The following ATXN2L variants were observed in gnomAD, a reference collection of about 807,000 sequenced individuals.
The protein encoded by ATXN2L is ataxin-2-like protein.
Under a neutral mutation model 120.7 loss-of-function variants are expected in ATXN2L, and 24 were observed. That is an observed-to-expected ratio of 0.20 (90% CI 0.14 to 0.28). The LOEUF is 0.28. ATXN2L is among the 10% of genes least tolerant of loss of function. ATXN2L has a pLI of 1.00. For missense variants in ATXN2L, 1,312 were observed against 1,432.3 expected, an observed-to-expected ratio of 0.92 and a Z score of 1.36; for synonymous variants, 653 against 568.1, an observed-to-expected ratio of 1.15 and a Z score of -2.13.
chr16:28,836,639 C>T lies in ATXN2L; in HGVS notation c.*374C>T, dbSNP rs928682090. The T allele has an allele frequency of 2.7e-5, 43 of 1,608,856 alleles. No individual in the cohort carries two copies. Among genetic ancestry groups the T allele is most frequent in the Non-Finnish European group, 3.3e-5 (39 of 1,178,592 alleles). ...AGGAGGCCGCTCCTTCCCAGACACA[C>T]CCCCACGCCCCCACTGGACGGCATT... is the stretch of plus-strand genomic sequence containing the variant. On this transcript the variant is annotated 3_prime_UTR_variant, in exon 22 of 22. Transcript: ENST00000336783.
At chr16:28,835,421 G>T (rs373901227) in intron 20 of ATXN2L, 22 bp downstream of exon 20, 1 of 1,612,148 alleles carries the variant, frequency 6.2e-7, no homozygotes. Context: ...GGGGGGTGCT[G>T]AGTGGTCCTG....
rs1961242649 is a variant in ATXN2L at position 28,837,059 on chromosome 16, T to G, written c.*794T>G. ...CCGCTGGAGACGGAAGATCTTTTATTTTCTATTATTTATAACTTCAGACTT... is the reference window on the plus strand; with the variant it reads ...CCGCTGGAGACGGAAGATCTTTTATGTTCTATTATTTATAACTTCAGACTT... On this transcript the variant is annotated 3_prime_UTR_variant, in exon 22 of 22. Coordinates refer to ENST00000336783, the MANE Select transcript of ATXN2L (RefSeq NM_007245.4). The G allele has an allele frequency of 1.6e-6, 1 of 614,300 alleles. No individual in the cohort carries two copies. Among genetic ancestry groups the G allele is most frequent in the South Asian group, 1.5e-5 (1 of 65,588 alleles). The allele number at this position is 614,300 out of a possible 1,614,324, so 38.1% of individuals were successfully genotyped here. A position where few individuals can be genotyped will look rare whatever the true frequency, so the allele number is the denominator to read the frequency against.
At chr16:28,824,693 T>G in intron 1 of ATXN2L, 1 of 809,450 alleles carries the variant, frequency 1.2e-6, no homozygotes, top group Non-Finnish European at 1.6e-6. Context: ...GTTCCAAAGC[T>G]GCACTCCTGG....
At chr16:28,829,203 G>C (rs2053452952) in intron 6 of ATXN2L, among the ~76,000 whole-genome samples, 198 bp from the exon 7 acceptor site, 1 of 152,084 alleles carries the variant, frequency 6.6e-6, no homozygotes. Flanking sequence ...AGCTCTTGCT[G>C]TGTTGCCCAG....
At position 28,829,402 on chromosome 16, in the gene ATXN2L, C is replaced by A. The variant is rs1364243037; in HGVS notation, c.743C>A (p.Ser248Tyr). 1 of 1,610,052 alleles carries A rather than the reference C, an allele frequency of 6.2e-7. No homozygotes were observed. The highest frequency in any genetic ancestry group is 1.7e-5 in the Admixed American group (1 of 59,990). Residue 248 changes from serine to tyrosine, a missense_variant and splice_region_variant, in exon 7 of 22, where the codon TCC becomes TAC. Physicochemically the swap from Ser to Tyr is moderately radical, Grantham distance 144. Transcript: ENST00000336783. ...AAAACCACCTTCCTCCCTCCCCAGTCCAATGGATGGGACCCCAATGAAATG... is the reference window on the plus strand; with the variant it reads ...AAAACCACCTTCCTCCCTCCCCAGTACAATGGATGGGACCCCAATGAAATG... ...SDDYDLESDM[S>Y]NGWDPNEMFK... is the part of the protein sequence containing the mutation.
Position 28,835,177 on chromosome 16 carries a change from A to G in ATXN2L, c.2553A>G (p.Gln851=), listed in dbSNP as rs1383442494. The G allele has an allele frequency of 3.1e-6, 5 of 1,611,858 alleles. No individual in the cohort carries two copies. Among genetic ancestry groups the G allele is most frequent in the Admixed American group, 1.7e-5 (1 of 59,800 alleles). ...CTTCTGCAGAGCAGCCTACCCCCCA[A>G]GCCCTTTATGGTGAGTCCTGCGCCT... ...QYPSAEQPTP[Q]ALYATVHQSY... Residue 851 remains glutamine (Q), a synonymous_variant, in exon 19 of 22, where the codon CAA becomes CAG. Transcript: ENST00000336783.
In ATXN2L at chr16:28,835,275, C is replaced by T. The variant is rs538354422; in HGVS notation, c.2564-3C>T. 1.2e-6 allele frequency: 2 copies of T among 1,613,882 alleles called. No homozygotes were observed. The highest frequency in any genetic ancestry group is 1.7e-5 in the Admixed American group (1 of 60,002). The stretch of plus-strand genomic sequence containing the variant: ...CACTGGTTCTCCCTCTTTCCTGCTG[C>T]AGCCACTGTTCACCAGTCCTACCCA... On this transcript the variant is annotated splice_polypyrimidine_tract_variant and splice_region_variant and intron_variant, in intron 19 of 21. Coordinates refer to ENST00000336783, the MANE Select transcript of ATXN2L (RefSeq NM_007245.4).
chr16:28,835,236 T>A, intron 19 of ATXN2L, 42 bp from the exon 20 acceptor site: 1 of 1,612,284 alleles, frequency 6.2e-7, no homozygotes, highest in Non-Finnish European at 8.5e-7. Context: ...GCCAGCCCCC[T>A]CTGGTGTGCT....
chr16:28,834,252 G>A, intron 16 of ATXN2L, 41 bp downstream of exon 16: 1 of 1,610,562 alleles, frequency 6.2e-7, no homozygotes. Flanking sequence ...TAGCGGGGTG[G>A]GATTTGGTTG....
chr16:28,833,020 TCTGGGTCAGA>T, intron 13 of ATXN2L, 29 bp from the exon 14 acceptor site: 1 of 1,603,894 alleles, frequency 6.2e-7, no homozygotes, highest in Non-Finnish European at 8.5e-7. Context: ...AGGACTAGGG[TCTGGGTCAGA>T]CTGGACTGTG....
intron 8 of ATXN2L, 51 bp from the exon 9 acceptor site, chr16:28,830,564 C>G (rs775420481): frequency 1.3e-6 from 2 of 1,499,192 alleles, no homozygotes; most frequent in East Asian, 4.7e-5. Context: ...CTTCATCTTT[C>G]CAAAACGTGG....
At chr16:28,825,595 T>G in intron 2 of ATXN2L, 29 bp from the exon 3 acceptor site, 2 of 1,609,256 alleles carry the variant, frequency 1.2e-6, no homozygotes, top group African/African-American at 2.7e-5. Flanking sequence ...GATTACTCCT[T>G]TAATTCTCCC....
intron 7 of ATXN2L, 60 bp downstream of exon 7, chr16:28,829,552 C>A: frequency 8.0e-7 from 1 of 1,254,264 alleles, no homozygotes; most frequent in Non-Finnish European, 1.2e-6. Context: ...TAAGTGAAGA[C>A]AGGTTTCCAG....
At chr16:28,828,312 C>T (rs1280851899) in intron 6 of ATXN2L, among the ~76,000 whole-genome samples, 1 of 152,274 alleles carries the variant, frequency 6.6e-6, no homozygotes. Flanking sequence ...GCAGGCCGGG[C>T]GCGGTGGCTC....
At position 28,833,981 on chromosome 16, in the gene ATXN2L, C is replaced by T. The variant is rs1282402281; in HGVS notation, c.2026-84C>T. On this transcript the variant is annotated intron_variant, in intron 15 of 21. Transcript: ENST00000336783. ...AATATGTTTGGTATGCAGCATTTCACGAATGTTAATTATTACCACTCTAGG... is the reference window on the plus strand; with the variant it reads ...AATATGTTTGGTATGCAGCATTTCATGAATGTTAATTATTACCACTCTAGG... 105 of 1,465,436 alleles carry T rather than the reference C, an allele frequency of 7.2e-5. No individual in the cohort carries two copies. The Admixed American group carries it at 1.5e-3, about 21-fold the overall frequency. The allele number at this position is 1,465,436 out of a possible 1,614,324, so 90.8% of individuals were successfully genotyped here.
At chr16:28,829,682 C>A in intron 7 of ATXN2L, 176 bp from the exon 8 acceptor site, 1 of 771,852 alleles carries the variant, frequency 1.3e-6, no homozygotes, top group South Asian at 1.8e-5. Context: ...TTCTCACATT[C>A]CCAGATAAGC....
chr16:28,830,936 C>A lies in ATXN2L; in HGVS notation c.1211-26C>A, dbSNP rs11859687. ...CGTCTGCCTCCTGACATTTTCTTCTCAAAAAAAAAAAAAAAAACCAAACAG... is the reference window on the plus strand; with the variant it reads ...CGTCTGCCTCCTGACATTTTCTTCTAAAAAAAAAAAAAAAAAACCAAACAG... On this transcript the variant is annotated intron_variant, in intron 9 of 21. Coordinates refer to ENST00000336783, the MANE Select transcript of ATXN2L (RefSeq NM_007245.4). 5.1e-3 allele frequency: 6,421 copies of A among 1,270,122 alleles called. 211 individuals are homozygous for A. In the African/African-American group the frequency reaches 0.099, roughly 20 times the overall value. The allele number at this position is 1,270,122 out of a possible 1,614,324, so 78.7% of individuals were successfully genotyped here.
At chr16:28,825,937 T>C in intron 4 of ATXN2L, 96 bp downstream of exon 4, 1 of 1,211,050 alleles carries the variant, frequency 8.3e-7, no homozygotes, top group Non-Finnish European at 1.2e-6. Context: ...TGTCAGAGTA[T>C]GCCTTTAGTT....
chr16:28,826,102 C>G, intron 4 of ATXN2L, 138 bp from the exon 5 acceptor site: 1 of 1,042,112 alleles, frequency 9.6e-7, no homozygotes, highest in Admixed American at 2.4e-5. Context: ...TGGTTCCAAG[C>G]ATGTTGAGGA....
Sources: allele counts gnomAD v4.1 joint callset (sites outside exome capture counted in the v4.1 genomes callset), GRCh38; gene constraint gnomAD v4.1.1; transcripts MANE v1.5; gene names NCBI Gene and HGNC (gene_info 2026-07-23, HGNC 2026-07-21).